Variants in ADGRG6 observed in about 807,000 individuals in gnomAD.
ADGRG6 encodes the protein G-protein coupled receptor 126.
In ADGRG6, 84 loss-of-function variants were observed where a neutral mutation model predicts 142.4. That is an observed-to-expected ratio of 0.59 (90% CI 0.49 to 0.71). ADGRG6 has a LOEUF of 0.71. Among genes scored for constraint, ADGRG6 ranks in the 30% least tolerant of loss-of-function variants. ADGRG6 has a pLI of 0.00. For synonymous variants in ADGRG6, 521 were observed against 520.5 expected, an observed-to-expected ratio of 1.00 and a Z score of -0.01; for missense variants, 1,367 against 1,466.6, an observed-to-expected ratio of 0.93 and a Z score of 1.11.
chr6:142,328,135 T>C, intron 2 of ADGRG6, among the ~76,000 whole-genome samples: 1 of 152,296 alleles, frequency 6.6e-6, no homozygotes, highest in African/African-American at 2.4e-5. Context: ...GAGGTAAACC[T>C]CCAAAGGGCC....
At chr6:142,318,102 T>TA (rs1255428469) in intron 2 of ADGRG6, among the ~76,000 whole-genome samples, 1 of 142 alleles carries the variant, frequency 7.0e-3, no homozygotes, top group Non-Finnish European at 0.023. Context: ...TTATATATAT[T>TA]TATATATATT....
At position 142,305,429 on chromosome 6, in the gene ADGRG6, TACACACACACACACACACAC is replaced by T. The variant is rs5880531; in HGVS notation, c.2+3120_2+3139del. ...TGCCCCCCCCCACGAGCCCCTCCTG[TACACACACACACACACACAC>T]ACACACACACACACACACACAATTT... is the stretch of plus-strand genomic sequence containing the variant. On this transcript the variant is annotated intron_variant, in intron 1 of 24. Coordinates refer to ENST00000367609, the MANE Select transcript of ADGRG6 (RefSeq NM_198569.3). Among the ~76,000 whole-genome samples, 6 of 120,854 alleles carry T rather than the reference TACACACACACACACACACAC, an allele frequency of 5.0e-5. No individual in the cohort carries two copies. In the East Asian group the frequency reaches 6.5e-4, roughly 13 times the overall value. 79.3% of individuals were successfully genotyped at this position (120,854 alleles called of 152,430 possible).
intron 15 of ADGRG6, among the ~76,000 whole-genome samples, chr6:142,406,440 G>T (rs1008196430): frequency 6.6e-6 from 1 of 152,194 alleles, no homozygotes. Flanking sequence ...TCGAGAGCAG[G>T]TTCGCTGGGC....
chr6:142,406,458 A>G (rs1775813068), intron 15 of ADGRG6, among the ~76,000 whole-genome samples: 2 of 152,204 alleles, frequency 1.3e-5, no homozygotes, highest in African/African-American at 2.4e-5. Flanking sequence ...GGCCCTTTTT[A>G]AAAAATAAAA....
At chr6:142,416,520 G>A (rs1394853614) in intron 20 of ADGRG6, among the ~76,000 whole-genome samples, 3 of 152,168 alleles carry the variant, frequency 2.0e-5, no homozygotes, top group East Asian at 3.9e-4. Flanking sequence ...TTATTGCCTT[G>A]AACTTTTTGT....
chr6:142,329,657 T>C (rs1274824873), intron 2 of ADGRG6, among the ~76,000 whole-genome samples: 3 of 152,150 alleles, frequency 2.0e-5, no homozygotes, highest in African/African-American at 7.2e-5. Context: ...CATTGAGTCA[T>C]GTTTGTGATC....
At chr6:142,435,823 TTAAAAA>T (rs1285142408) in intron 22 of ADGRG6, among the ~76,000 whole-genome samples, 1 of 152,094 alleles carries the variant, frequency 6.6e-6, no homozygotes, top group African/African-American at 2.4e-5. Flanking sequence ...AAGGTTAAAA[TTAAAAA>T]TAAAATAAAA....
chr6:142,309,644 G>A lies in ADGRG6; in HGVS notation c.103G>A (p.Val35Met). Residue 35 changes from valine to methionine, a missense_variant and splice_region_variant, in exon 2 of 25, where the codon GTG (valine) becomes ATG (methionine). Val to Met is a conservative substitution (Grantham distance 21, BLOSUM62 1). This residue lies in a region of ADGRG6 where 737 missense variants were observed against 746.5 expected (regional missense o/e 0.99). Transcript: ENST00000367609. ...ALYIMCVPHS[V>M]WGCANCRVVL... Reference sequence around the variant, plus strand: ...ATATATCATGTGTGTTCCTCACTCAGGTAAGACTCTTCCTCTTTCACACCT... The same window carrying A: ...ATATATCATGTGTGTTCCTCACTCAAGTAAGACTCTTCCTCTTTCACACCT... 1 of 1,565,966 alleles carries A rather than the reference G, an allele frequency of 6.4e-7. No individual in the cohort carries two copies. The highest frequency in any genetic ancestry group is 1.4e-5 in the African/African-American group (1 of 73,896).
Position 142,400,492 on chromosome 6 carries a change from T to A in ADGRG6, c.1575T>A (p.Cys525Ter). ...GTTCTTATGTTCATATAGGTCATTG[T>A]CTTGCCATGGAGGAACCCAAAGGCT... is the stretch of plus-strand genomic sequence containing the variant. ...HTVNVRQLGH[C>*]LAMEEPKGYY... Residue 525 changes from cysteine to a stop codon, truncating the protein, a stop_gained, in exon 11 of 25, where the codon TGT becomes TGA. Coordinates refer to ENST00000367609, the MANE Select transcript of ADGRG6 (RefSeq NM_198569.3). LOFTEE classifies it high-confidence loss of function. 1.3e-6 allele frequency: 2 copies of A among 1,501,058 alleles called. No homozygotes were observed. The highest frequency in any genetic ancestry group is 1.9e-6 in the Non-Finnish European group (2 of 1,077,780). The allele number at this position is 1,501,058 out of a possible 1,614,324, so 93.0% of individuals were successfully genotyped here.
At chr6:142,440,242 A>G (rs532943666) in intron 24 of ADGRG6, among the ~76,000 whole-genome samples, 1 of 152,224 alleles carries the variant, frequency 6.6e-6, no homozygotes, top group South Asian at 2.1e-4. Flanking sequence ...TACTATTTTA[A>G]AATATTGTCT....
At chr6:142,311,533 T>C (rs1777769958) in intron 2 of ADGRG6, among the ~76,000 whole-genome samples, 1 of 152,004 alleles carries the variant, frequency 6.6e-6, no homozygotes, top group Non-Finnish European at 1.5e-5. Flanking sequence ...TTTAAAATAA[T>C]GCATATTACA....
chr6:142,434,741 A>G (rs1455675922), intron 22 of ADGRG6, among the ~76,000 whole-genome samples: 1 of 152,158 alleles, frequency 6.6e-6, no homozygotes, highest in African/African-American at 2.4e-5. Context: ...TAATTTAAAT[A>G]GGAATTTATA....
At chr6:142,381,209 T>C (rs1327594843) in intron 4 of ADGRG6, among the ~76,000 whole-genome samples, 2 of 152,220 alleles carry the variant, frequency 1.3e-5, no homozygotes, top group African/African-American at 4.8e-5. Flanking sequence ...ATTATATAAA[T>C]GTCCCTTAAA....
intron 2 of ADGRG6, among the ~76,000 whole-genome samples, chr6:142,345,898 G>T (rs1035911986): frequency 1.4e-4 from 21 of 152,244 alleles, no homozygotes; most frequent in Admixed American, 1.4e-3. Context: ...TTAGATTTGT[G>T]TTAACACAAA....
chr6:142,394,133 A>G (rs560971248), intron 9 of ADGRG6, among the ~76,000 whole-genome samples, 175 bp downstream of exon 9: 1 of 152,336 alleles, frequency 6.6e-6, no homozygotes, highest in African/African-American at 2.4e-5. Context: ...GTAATGTAAC[A>G]GACTGGGTAG....
At chr6:142,351,782 T>C (rs546711721) in intron 2 of ADGRG6, among the ~76,000 whole-genome samples, 4 of 152,204 alleles carry the variant, frequency 2.6e-5, no homozygotes, top group East Asian at 1.9e-4. Context: ...GGAGAAAATA[T>C]CCACTATGCA....
rs758736992 is a variant in ADGRG6 at position 142,327,924 on chromosome 6, AT to A, written c.103+18289del. On this transcript the variant is annotated intron_variant, in intron 2 of 24. Transcript: ENST00000367609. The stretch of plus-strand genomic sequence containing the variant: ...TTTGCATATTGTTTCTTGGTGTGTA[AT>A]TTTTTTTTCAGTTACTTCATCAGAT... Among the ~76,000 whole-genome samples the A allele has an allele frequency of 1.1e-4, 16 of 151,286 alleles. No homozygotes were observed. In the East Asian group the frequency reaches 1.4e-3, roughly 13 times the overall value.
At chr6:142,342,213 A>G (rs893853086) in intron 2 of ADGRG6, among the ~76,000 whole-genome samples, 1 of 152,076 alleles carries the variant, frequency 6.6e-6, no homozygotes, top group Non-Finnish European at 1.5e-5. Context: ...ATGGAAAAAA[A>G]AATTCTCCAG....
intron 8 of ADGRG6, 109 bp downstream of exon 8, chr6:142,393,109 A>G (rs1176306141): frequency 6.4e-6 from 4 of 622,002 alleles, no homozygotes; most frequent in Middle Eastern, 4.3e-4. Flanking sequence ...ACACATAGCT[A>G]CTATATACAT....
Sources: gnomAD v4.1 joint callset for allele counts (sites outside exome capture counted in the v4.1 genomes callset) on GRCh38, gnomAD v4.1.1 for gene constraint, gnomAD v4.1.1 regional missense constraint, MANE v1.5 for transcripts, NCBI Gene and HGNC (gene_info 2026-07-23, HGNC 2026-07-21) for gene names.